Variants in ORC5 observed in about 807,000 individuals in gnomAD.
The protein encoded by ORC5 is origin recognition complex subunit 5, also known as protein phosphatase 1, regulatory subunit 117.
In ORC5, 39 loss-of-function variants were observed where a neutral mutation model predicts 58.8. The ratio of observed to expected loss-of-function variants is 0.66; its 90% CI spans 0.51 to 0.87. The LOEUF is 0.87. Ranked by LOEUF, ORC5 falls within the 40% of genes least tolerant of loss-of-function variation. The pLI is 0.00. For missense variants in ORC5, 493 were observed against 506.3 expected, an observed-to-expected ratio of 0.97 and a Z score of 0.25; for synonymous variants, 218 against 177.6, an observed-to-expected ratio of 1.23 and a Z score of -1.81.
At position 104,193,458 on chromosome 7, in the gene ORC5, G is replaced by C. The variant is rs923075366; in HGVS notation, c.553+1685C>G. 2.6e-5 allele frequency among the ~76,000 whole-genome samples: 4 copies of C among 151,908 alleles called. No individual in the cohort carries two copies. The South Asian group carries it at 6.2e-4, about 24-fold the overall frequency. On this transcript the variant is annotated intron_variant, in intron 5 of 13. Transcript: ENST00000297431. The stretch of plus-strand genomic sequence containing the variant: ...CTCTAAAGAAAAAATATCCATCATT[G>C]AAAGATGAGTAGTCTGCATGAGGTA...
rs905463137 is a variant in ORC5, at chr7:104,150,394, T to G, written c.1149+10678A>C. Among the ~76,000 whole-genome samples, 7 of 152,128 alleles carry G rather than the reference T, an allele frequency of 4.6e-5. No homozygotes were observed. In the East Asian group the frequency reaches 1.3e-3, roughly 29 times the overall value. ...AACAAGCACCACATTTGATCTGAATTCAGGAGACTTGACGGTTCATGGCAT... is the reference window on the plus strand; with the variant it reads ...AACAAGCACCACATTTGATCTGAATGCAGGAGACTTGACGGTTCATGGCAT... On this transcript the variant is annotated intron_variant, in intron 12 of 13. Coordinates refer to ENST00000297431, the MANE Select transcript of ORC5 (RefSeq NM_002553.4).
At chr7:104,151,444 T>C (rs1798845153) in intron 12 of ORC5, among the ~76,000 whole-genome samples, 1 of 152,120 alleles carries the variant, frequency 6.6e-6, no homozygotes. Flanking sequence ...ACCAAGTAAA[T>C]GAAGGAGAGA....
At chr7:104,180,371 T>C (rs1489088636) in intron 8 of ORC5, among the ~76,000 whole-genome samples, 2 of 152,218 alleles carry the variant, frequency 1.3e-5, no homozygotes, top group Non-Finnish European at 2.9e-5. Context: ...TTTTTATTTT[T>C]TATTACTCAG....
intron 8 of ORC5, among the ~76,000 whole-genome samples, chr7:104,174,202 G>C (rs1799275183): frequency 1.3e-5 from 2 of 152,116 alleles, no homozygotes; most frequent in Non-Finnish European, 2.9e-5. Context: ...ACACACATCT[G>C]TAAATAATTT....
At chr7:104,130,308 C>A (rs1026584448) in intron 13 of ORC5, among the ~76,000 whole-genome samples, 5 of 152,180 alleles carry the variant, frequency 3.3e-5, no homozygotes, top group African/African-American at 1.2e-4. Context: ...GCTTCTCTGT[C>A]CAAACCTTTC....
chr7:104,180,377 C>T (rs1799409097), intron 8 of ORC5, among the ~76,000 whole-genome samples: 2 of 152,152 alleles, frequency 1.3e-5, no homozygotes, highest in South Asian at 2.1e-4. Flanking sequence ...TTTTTTATTA[C>T]TCAGGAAAAT....
At chr7:104,186,582 A>G (rs1383608865) in intron 6 of ORC5, among the ~76,000 whole-genome samples, 1 of 152,196 alleles carries the variant, frequency 6.6e-6, no homozygotes, top group Admixed American at 6.5e-5. Context: ...GCCTCTGAAA[A>G]ATACAGAAAT....
intron 1 of ORC5, among the ~76,000 whole-genome samples, chr7:104,206,682 A>G (rs770827849): frequency 4.6e-5 from 7 of 152,220 alleles, no homozygotes; most frequent in African/African-American, 9.7e-5. Flanking sequence ...TTGCCATGCA[A>G]TATTTCTAGT....
intron 12 of ORC5, among the ~76,000 whole-genome samples, chr7:104,145,901 C>T (rs1798746017): frequency 2.6e-5 from 4 of 152,140 alleles, no homozygotes; most frequent in Admixed American, 2.0e-4. Context: ...AAAGAAGAAT[C>T]CTGACGAAAG....
intron 8 of ORC5, among the ~76,000 whole-genome samples, chr7:104,181,914 C>T (rs552076002): frequency 2.6e-5 from 4 of 152,074 alleles, no homozygotes; most frequent in Non-Finnish European, 4.4e-5. Context: ...CTTAAATCGG[C>T]CTTGGTTTGA....
intron 8 of ORC5, among the ~76,000 whole-genome samples, chr7:104,182,895 GA>G (rs1799464543): frequency 6.6e-6 from 1 of 152,132 alleles, no homozygotes; most frequent in South Asian, 2.1e-4. Context: ...AGCACTTTGG[GA>G]GGCCAAGGCA....
intron 8 of ORC5, among the ~76,000 whole-genome samples, chr7:104,182,217 C>T (rs1739011186): frequency 6.6e-6 from 1 of 152,138 alleles, no homozygotes; most frequent in Non-Finnish European, 1.5e-5. Context: ...GTGGACCACA[C>T]AGAAGGGTCA....
intron 8 of ORC5, among the ~76,000 whole-genome samples, chr7:104,172,114 C>G (rs908189303): frequency 6.6e-6 from 1 of 152,190 alleles, no homozygotes; most frequent in Non-Finnish European, 1.5e-5. Context: ...CAGTTGTTTA[C>G]TTCACTACTG....
chr7:104,155,538 GAAT>G (rs1267881129), intron 12 of ORC5, among the ~76,000 whole-genome samples: 7 of 151,220 alleles, frequency 4.6e-5, no homozygotes, highest in Admixed American at 6.6e-5. Context: ...TTAAATGGCA[GAAT>G]TATAGTAAAC....
At chr7:104,160,229 A>C (rs1798999978) in intron 12 of ORC5, among the ~76,000 whole-genome samples, 1 of 152,188 alleles carries the variant, frequency 6.6e-6, no homozygotes, top group Non-Finnish European at 1.5e-5. Context: ...TAAATGAAAA[A>C]TTAAAAGTTA....
At chr7:104,202,495 A>T (rs894432388) in intron 2 of ORC5, 2 of 456,102 alleles carry the variant, frequency 4.4e-6, no homozygotes. Context: ...CGGCATTTGT[A>T]CCATCCATGA....
chr7:104,165,617 T>G (rs1355030975), intron 10 of ORC5: 1 of 199,228 alleles, frequency 5.0e-6, no homozygotes, highest in Non-Finnish European at 9.9e-6. Flanking sequence ...GGATTTTTAT[T>G]CATCCCATAA....
chr7:104,139,747 T>C (rs1798643735), intron 12 of ORC5, among the ~76,000 whole-genome samples: 2 of 152,098 alleles, frequency 1.3e-5, no homozygotes, highest in Admixed American at 1.3e-4. Flanking sequence ...GAAAAGAATA[T>C]GTATTTTGCA....
At chr7:104,135,413 T>G (rs1478484410) in intron 13 of ORC5, among the ~76,000 whole-genome samples, 1 of 152,188 alleles carries the variant, frequency 6.6e-6, no homozygotes, top group Non-Finnish European at 1.5e-5. Context: ...ACAGCCTATA[T>G]GCCACAAAAA....
Sources: gnomAD v4.1 joint callset for allele counts (sites outside exome capture counted in the v4.1 genomes callset) on GRCh38, gnomAD v4.1.1 for gene constraint, MANE v1.5 for transcripts, NCBI Gene and HGNC (gene_info 2026-07-23, HGNC 2026-07-21) for gene names.